Variants in GRID2 observed in about 807,000 individuals in gnomAD.
GRID2 encodes the protein glutamate receptor ionotropic, delta-2.
Under a neutral mutation model 114.8 loss-of-function variants are expected in GRID2, and 33 were observed. The observed-to-expected ratio is 0.29, with a 90% CI of 0.22 to 0.38. GRID2 has a LOEUF of 0.38. Ranked by LOEUF, GRID2 falls within the 10% of genes least tolerant of loss-of-function variation. The pLI, the probability that GRID2 is intolerant of heterozygous loss-of-function variation, is 1.00. For missense variants in GRID2, 1,184 were observed against 1,257.7 expected (o/e 0.94, Z 0.89); for synonymous variants, 505 against 449.9 (o/e 1.12, Z -1.55).
intron 1 of GRID2, among the ~76,000 whole-genome samples, chr4:92,466,817 CAT>C (rs111455294): frequency 8.9e-4 from 133 of 149,728 alleles, no homozygotes; most frequent in African/African-American, 1.5e-3. Flanking sequence ...ATGATACATA[CAT>C]ATATATATAT....
chr4:92,691,075 A>G (rs2149292907), intron 2 of GRID2, among the ~76,000 whole-genome samples: 1 of 152,270 alleles, frequency 6.6e-6, no homozygotes, highest in Admixed American at 6.5e-5. Context: ...ACTAGTCTTC[A>G]TTATTTCTTC....
At chr4:92,798,350 A>T (rs1471473718) in intron 2 of GRID2, among the ~76,000 whole-genome samples, 1 of 152,026 alleles carries the variant, frequency 6.6e-6, no homozygotes, top group African/African-American at 2.4e-5. Flanking sequence ...AAGAATACTA[A>T]AAAAAGTGAC....
intron 5 of GRID2, among the ~76,000 whole-genome samples, chr4:93,210,633 C>A (rs1388848921): frequency 6.6e-6 from 1 of 152,016 alleles, no homozygotes; most frequent in Non-Finnish European, 1.5e-5. Context: ...CATGATCACC[C>A]ACTGTTTAAG....
At chr4:92,876,770 G>A (rs1745668492) in intron 2 of GRID2, among the ~76,000 whole-genome samples, 1 of 152,164 alleles carries the variant, frequency 6.6e-6, no homozygotes, top group South Asian at 2.1e-4. Context: ...GAACACACAG[G>A]GAGGACAGGG....
intron 2 of GRID2, among the ~76,000 whole-genome samples, chr4:92,689,775 A>G (rs1235313487): frequency 6.6e-6 from 1 of 152,210 alleles, no homozygotes; most frequent in African/African-American, 2.4e-5. Context: ...CTACAGGAGC[A>G]TGTGCTGTTT....
intron 10 of GRID2, among the ~76,000 whole-genome samples, chr4:93,438,559 AG>A (rs1320037368): frequency 3.3e-5 from 5 of 152,230 alleles, no homozygotes; most frequent in South Asian, 2.1e-4. Context: ...GGAGTGAGGA[AG>A]AGAAAAAAAC....
intron 13 of GRID2, among the ~76,000 whole-genome samples, chr4:93,528,601 G>C (rs1043758156): frequency 2.0e-5 from 3 of 151,962 alleles, no homozygotes; most frequent in African/African-American, 7.3e-5. Context: ...ATAAAAATTG[G>C]ATTGTGCTTG....
chr4:92,946,875 G>A (rs1467300364), intron 2 of GRID2, among the ~76,000 whole-genome samples: 1 of 151,944 alleles, frequency 6.6e-6, no homozygotes, highest in Non-Finnish European at 1.5e-5. Context: ...AAGTTCCTAG[G>A]TAATTCTGAT....
intron 1 of GRID2, among the ~76,000 whole-genome samples, chr4:92,352,181 C>T (rs1170919454): frequency 6.6e-6 from 1 of 151,760 alleles, no homozygotes; most frequent in East Asian, 1.9e-4. Flanking sequence ...TTGATAATAG[C>T]CATTCTAACT....
intron 2 of GRID2, among the ~76,000 whole-genome samples, chr4:92,666,652 T>TTTTTTTTG (rs1732797079): frequency 1.4e-5 from 1 of 71,036 alleles, no homozygotes; most frequent in African/African-American, 8.0e-5. Context: ...TAAGGGTTGT[T>TTTTTTTTG]TTTTTTTTTT....
intron 14 of GRID2, among the ~76,000 whole-genome samples, chr4:93,660,220 C>T (rs1257072916): frequency 6.6e-6 from 1 of 152,028 alleles, no homozygotes; most frequent in Non-Finnish European, 1.5e-5. Context: ...AAATGCTATC[C>T]CAGTCAAAAC....
intron 4 of GRID2, among the ~76,000 whole-genome samples, chr4:93,151,120 CA>C (rs3078717): frequency 6.6e-4 from 68 of 102,504 alleles, no homozygotes; most frequent in Middle Eastern, 5.4e-3. Context: ...TAAGACTCCT[CA>C]AAAAAAAAAA....
At chr4:93,235,719 G>A (rs1746707077) in intron 7 of GRID2, among the ~76,000 whole-genome samples, 1 of 152,056 alleles carries the variant, frequency 6.6e-6, no homozygotes, top group Non-Finnish European at 1.5e-5. Context: ...TCATAAAGTT[G>A]AGCAAGGTAA....
At chr4:92,573,217 T>C (rs568361657) in intron 1 of GRID2, among the ~76,000 whole-genome samples, 1 of 152,176 alleles carries the variant, frequency 6.6e-6, no homozygotes, top group Non-Finnish European at 1.5e-5. Flanking sequence ...ATTTCTTTTC[T>C]TCTTTATTAT....
chr4:92,706,646 C>A (rs1734971666), intron 2 of GRID2, among the ~76,000 whole-genome samples: 1 of 152,064 alleles, frequency 6.6e-6, no homozygotes, highest in South Asian at 2.1e-4. Context: ...AGAATACATG[C>A]AAAATAAAGA....
chr4:92,694,247 G>C (rs888611244), intron 2 of GRID2, among the ~76,000 whole-genome samples: 5 of 152,106 alleles, frequency 3.3e-5, no homozygotes, highest in African/African-American at 9.7e-5. Context: ...TGTTAGAAAA[G>C]GGACATGACA....
chr4:92,625,584 C>T (rs1730481307), intron 2 of GRID2, among the ~76,000 whole-genome samples: 1 of 151,730 alleles, frequency 6.6e-6, no homozygotes, highest in Non-Finnish European at 1.5e-5. Context: ...TAAAAAAACC[C>T]AACCAATCAC....
At chr4:92,916,632 T>C (rs1325565252) in intron 2 of GRID2, among the ~76,000 whole-genome samples, 1 of 152,116 alleles carries the variant, frequency 6.6e-6, no homozygotes, top group Admixed American at 6.6e-5. Context: ...GTCCTTGTGA[T>C]AGTTTGCTGA....
intron 4 of GRID2, among the ~76,000 whole-genome samples, chr4:93,179,905 A>G (rs919829946): frequency 6.6e-6 from 1 of 152,194 alleles, no homozygotes; most frequent in Non-Finnish European, 1.5e-5. Flanking sequence ...TTTTCTAAGG[A>G]AATTCCCAGG....
Sources: allele counts gnomAD v4.1 joint callset (sites outside exome capture counted in the v4.1 genomes callset), GRCh38; gene constraint gnomAD v4.1.1; transcripts MANE v1.5; gene names NCBI Gene and HGNC (gene_info 2026-07-23, HGNC 2026-07-21).